The following SLC61A1 variants were observed in gnomAD, a reference collection of about 807,000 sequenced individuals.
SLC61A1 encodes solute carrier family 61 member 1, also known as major facilitator superfamily domain containing 5.
At chr12:53,252,181 G>A in the SLC61A1 span, 50 of 1,419,796 alleles carry the variant, frequency 3.5e-5, no homozygotes, top group Non-Finnish European at 3.9e-5. Context: ...GCTGGAACCC[G>A]AGCCGGAGCC....
At chr12:53,252,604 C>T in the SLC61A1 span, 5 of 1,265,820 alleles carry the variant, frequency 4.0e-6, no homozygotes, top group Non-Finnish European at 4.2e-6. Context: ...CAGTCCTCTC[C>T]CCTGTCTTCT....
chr12:53,253,533 C>G, the SLC61A1 span: 1 of 1,614,206 alleles, frequency 6.2e-7, no homozygotes. Flanking sequence ...CGTGCCTTCT[C>G]AAGGACCTGT....
chr12:53,251,963 AGGAGAAGCAACC>A, the SLC61A1 span: 2 of 1,524,624 alleles, frequency 1.3e-6, no homozygotes, highest in Non-Finnish European at 1.8e-6. Context: ...AGGCCAGGCC[AGGAGAAGCAACC>A]GCAGCCTCCT....
the SLC61A1 span, chr12:53,254,243 A>T: frequency 1.9e-6 from 3 of 1,570,696 alleles, no homozygotes; most frequent in South Asian, 3.6e-5. Context: ...GCTATCCGGG[A>T]TTGTACAGAT....
the SLC61A1 span, chr12:53,252,056 GGGC>G: frequency 1.4e-6 from 2 of 1,462,964 alleles, no homozygotes; most frequent in South Asian, 1.4e-5. Flanking sequence ...GAGGGCGGGC[GGGC>G]GGGGCGGGGC....
At chr12:53,254,280 C>A in the SLC61A1 span, 1 of 1,447,188 alleles carries the variant, frequency 6.9e-7, no homozygotes, top group Non-Finnish European at 9.4e-7. Context: ...TTGTGACTGT[C>A]CTGTGGTTTC....
At chr12:53,252,125 A>C in the SLC61A1 span, 1 of 1,441,480 alleles carries the variant, frequency 6.9e-7, no homozygotes, top group Non-Finnish European at 9.0e-7. Flanking sequence ...CGGCGGCCAG[A>C]GGCCTGCCCG....
the SLC61A1 span, chr12:53,252,478 C>T: frequency 1.5e-6 from 2 of 1,300,306 alleles, no homozygotes; most frequent in African/African-American, 1.5e-5. Flanking sequence ...GCAGCGAGGA[C>T]GGGAGGTAAT....
chr12:53,253,647 C>T, the SLC61A1 span: 2 of 1,614,082 alleles, frequency 1.2e-6, no homozygotes, highest in Non-Finnish European at 1.7e-6. Flanking sequence ...TTCCTCTGGA[C>T]ACCTGTGCTG....
chr12:53,252,467 C>T, the SLC61A1 span: 2 of 1,293,614 alleles, frequency 1.5e-6, no homozygotes, highest in South Asian at 2.0e-5. Flanking sequence ...AAAGAGGCTC[C>T]GCAGCGAGGA....
chr12:53,251,641 G>C, the SLC61A1 span: 8 of 1,330,244 alleles, frequency 6.0e-6, no homozygotes, highest in Middle Eastern at 4.0e-4. Flanking sequence ...GACAGGGGCA[G>C]GACTGCGCCT....
chr12:53,251,986 A>G, the SLC61A1 span: 3 of 1,320,486 alleles, frequency 2.3e-6, no homozygotes, highest in East Asian at 1.5e-4. Flanking sequence ...GCAGCCTCCT[A>G]TGGTCGCCCC....
chr12:53,252,027 C>G, the SLC61A1 span: 1 of 1,322,548 alleles, frequency 7.6e-7, no homozygotes, highest in South Asian at 1.3e-5. Context: ...TCAGGAGTTC[C>G]GCGCCCGGGT....
At chr12:53,252,824 C>CGG in the SLC61A1 span, 1 of 1,613,108 alleles carries the variant, frequency 6.2e-7, no homozygotes, top group Non-Finnish European at 8.5e-7. Context: ...CCAGGTCGTC[C>CGG]GGGGGCCCAC....
At chr12:53,253,339 A>T in the SLC61A1 span, 7 of 1,614,264 alleles carry the variant, frequency 4.3e-6, no homozygotes, top group South Asian at 7.7e-5. Context: ...AGTGGATCCC[A>T]GCTACCTTTG....
the SLC61A1 span, chr12:53,253,030 A>C: frequency 1.9e-6 from 3 of 1,613,370 alleles, no homozygotes; most frequent in Non-Finnish European, 2.5e-6. Context: ...ACCTCTATAA[A>C]CTCTACCAGC....
the SLC61A1 span, chr12:53,251,739 G>T: frequency 6.5e-7 from 1 of 1,536,012 alleles, no homozygotes. Context: ...TTGCATGGAG[G>T]TCACTGCAGT....
At chr12:53,252,041 G>A in the SLC61A1 span, 2 of 1,366,930 alleles carry the variant, frequency 1.5e-6, no homozygotes, top group Non-Finnish European at 9.6e-7. Context: ...CCCGGGTAAG[G>A]GAAGGAGGGC....
the SLC61A1 span, chr12:53,252,605 C>T: frequency 7.9e-7 from 1 of 1,263,180 alleles, no homozygotes; most frequent in Non-Finnish European, 1.1e-6. Context: ...AGTCCTCTCC[C>T]CTGTCTTCTT....
Sources: gnomAD v4.1 joint callset for allele counts on GRCh38, gnomAD v4.1.1 for gene constraint, MANE v1.5 for transcripts, NCBI Gene and HGNC (gene_info 2026-07-23, HGNC 2026-07-21) for gene names.